Variants in IL1RL1 observed in about 807,000 individuals in gnomAD.
IL1RL1 encodes the protein interleukin-1 receptor-like 1.
Under a neutral mutation model 50.9 loss-of-function variants are expected in IL1RL1, and 32 were observed. The observed-to-expected ratio is 0.63, with a 90% CI of 0.47 to 0.84. IL1RL1 has a LOEUF of 0.84. IL1RL1 is among the 40% of genes least tolerant of loss of function. The pLI, the probability that IL1RL1 is intolerant of heterozygous loss-of-function variation, is 0.00. For missense variants in IL1RL1, 773 were observed against 662.9 expected, an observed-to-expected ratio of 1.17 and a Z score of -1.82; for synonymous variants, 275 against 236.0, an observed-to-expected ratio of 1.17 and a Z score of -1.51.
intron 1 of IL1RL1, among the ~76,000 whole-genome samples, chr2:102,324,141 G>C (rs1054651909): frequency 6.6e-6 from 1 of 151,096 alleles, no homozygotes; most frequent in African/African-American, 2.4e-5. Context: ...ATGAACATTT[G>C]TGTACAAGTC....
At chr2:102,326,053 G>T (rs946938250) in intron 1 of IL1RL1, among the ~76,000 whole-genome samples, 11 of 152,138 alleles carry the variant, frequency 7.2e-5, no homozygotes, top group Non-Finnish European at 1.6e-4. Context: ...ATAATTGTCA[G>T]ATTCACCAAA....
intron 1 of IL1RL1, among the ~76,000 whole-genome samples, chr2:102,317,037 A>G (rs1044653174): frequency 5.3e-5 from 8 of 152,218 alleles, no homozygotes; most frequent in Middle Eastern, 3.2e-3. Flanking sequence ...GCAATATTTT[A>G]AAATCAGAGC....
In IL1RL1 at chr2:102,351,933, A is replaced by T. The variant is rs775742388; in HGVS notation, c.*12A>T. On this transcript the variant is annotated 3_prime_UTR_variant, in exon 11 of 11. Transcript: ENST00000233954. ...CCCAGAAGCAATAGTGCCTGCTGTGATGTGCAAAGGCATCTGAGTTTGAAG... is the reference window on the plus strand; with the variant it reads ...CCCAGAAGCAATAGTGCCTGCTGTGTTGTGCAAAGGCATCTGAGTTTGAAG... 1 of 1,595,610 alleles carries T rather than the reference A, an allele frequency of 6.3e-7. No individual in the cohort carries two copies. The highest frequency in any genetic ancestry group is 1.1e-5 in the South Asian group (1 of 87,828).
Position 102,340,255 on chromosome 2 carries a change from C to T in IL1RL1, c.430C>T (p.Pro144Ser), listed in dbSNP as rs141010284. 1.4e-3 allele frequency: 2,273 copies of T among 1,594,786 alleles called. 35 individuals carry two copies. Among genetic ancestry groups the T allele is most frequent in the South Asian group, 0.013 (1,161 of 86,896 alleles). ...CATTGACCTCTACAACTGGACAGCA[C>T]CTCTTGAGTGGTTTAAGGTAAGAAG... ...PTIDLYNWTA[P>S]LEWFKNCQAL... is the part of the protein sequence containing the mutation. The change falls in exon 4 of 11, where the codon CCT becomes TCT. Residue 144 changes from proline (P) to serine (S), a missense_variant. Physicochemically the swap from Pro to Ser is moderately conservative, Grantham distance 74. Transcript: ENST00000233954.
At position 102,345,889 on chromosome 2, in the gene IL1RL1, C is replaced by T. The variant is rs917623904; in HGVS notation, c.971-2056C>T. On this transcript the variant is annotated intron_variant, in intron 8 of 10. Transcript: ENST00000233954. Reference sequence around the variant, plus strand: ...TGCAGCCATCCATCCAGCCTGCCCACTCACACTGCCCTTGTGTACTCCTGC... The same window carrying T: ...TGCAGCCATCCATCCAGCCTGCCCATTCACACTGCCCTTGTGTACTCCTGC... 2.3e-5 allele frequency: 23 copies of T among 985,336 alleles called. No individual in the cohort carries two copies. The East Asian group carries it at 2.5e-3, about 107-fold the overall frequency. The allele number at this position is 985,336 out of a possible 1,614,324, so 61.0% of individuals were successfully genotyped here.
intron 1 of IL1RL1, among the ~76,000 whole-genome samples, chr2:102,325,778 G>A (rs917291223): frequency 3.3e-5 from 5 of 152,176 alleles, no homozygotes; most frequent in South Asian, 2.1e-4. Context: ...TGAATGAAAC[G>A]AAGTGAGAAG....
At chr2:102,328,305 AC>A (rs1403169230) in intron 1 of IL1RL1, among the ~76,000 whole-genome samples, 9 of 151,856 alleles carry the variant, frequency 5.9e-5, no homozygotes, top group South Asian at 2.1e-4. Context: ...AAATTCAACA[AC>A]CCTTCATGCT....
At chr2:102,324,521 G>C (rs576861153) in intron 1 of IL1RL1, among the ~76,000 whole-genome samples, 3 of 152,326 alleles carry the variant, frequency 2.0e-5, no homozygotes, top group South Asian at 4.1e-4. Context: ...AGTGGGTGCA[G>C]AGCACTGAGC....
intron 2 of IL1RL1, among the ~76,000 whole-genome samples, 160 bp from the exon 3 acceptor site, chr2:102,338,677 C>T (rs1677422762): frequency 6.6e-6 from 1 of 152,174 alleles, no homozygotes; most frequent in Admixed American, 6.6e-5. Flanking sequence ...AATTCATTAA[C>T]ATTTCATAAG....
chr2:102,327,409 T>A (rs953260538), intron 1 of IL1RL1, among the ~76,000 whole-genome samples: 13 of 150,916 alleles, frequency 8.6e-5, no homozygotes, highest in Admixed American at 3.3e-4. Context: ...GCAGGAAAGA[T>A]CTAAAATTGA....
At chr2:102,323,209 A>G (rs1676884905) in intron 1 of IL1RL1, among the ~76,000 whole-genome samples, 1 of 149,342 alleles carries the variant, frequency 6.7e-6, no homozygotes, top group Non-Finnish European at 1.5e-5. Flanking sequence ...GGAGTTATTG[A>G]GCCATACAGT....
chr2:102,350,236 T>A lies in IL1RL1; in HGVS notation c.1285+990T>A, dbSNP rs150701500. Among the ~76,000 whole-genome samples the A allele has an allele frequency of 2.0e-5, 3 of 152,380 alleles. No homozygotes were observed. In the East Asian group the frequency reaches 5.8e-4, roughly 29 times the overall value. Reference sequence around the variant, plus strand: ...CACTCTTTTCATATTACAAATGTACTCAAGAACCTGCAGGGACTCCTGTTG... The same window carrying A: ...CACTCTTTTCATATTACAAATGTACACAAGAACCTGCAGGGACTCCTGTTG... On this transcript the variant is annotated intron_variant, in intron 10 of 10. Transcript: ENST00000233954.
chr2:102,325,518 T>A (rs894164952), intron 1 of IL1RL1, among the ~76,000 whole-genome samples: 1 of 151,708 alleles, frequency 6.6e-6, no homozygotes, highest in African/African-American at 2.4e-5. Flanking sequence ...CTTTGACGAG[T>A]TGAGAGAAGA....
At chr2:102,321,512 A>G (rs891084364) in intron 1 of IL1RL1, among the ~76,000 whole-genome samples, 4 of 152,180 alleles carry the variant, frequency 2.6e-5, no homozygotes, top group African/African-American at 7.2e-5. Flanking sequence ...ATGTGCGGCC[A>G]TGTTAGATGT....
At chr2:102,330,700 A>G (rs185306098) in intron 1 of IL1RL1, among the ~76,000 whole-genome samples, 91 of 152,314 alleles carry the variant, frequency 6.0e-4, no homozygotes, top group Non-Finnish European at 1.2e-3. Flanking sequence ...TATAGATACA[A>G]GTCTTTCATC....
chr2:102,345,353 C>A (rs1677743228), intron 8 of IL1RL1: 1 of 985,276 alleles, frequency 1.0e-6, no homozygotes, highest in Non-Finnish European at 1.2e-6. Flanking sequence ...GCAAAGACAT[C>A]CTGTTTGCTA....
At chr2:102,324,422 G>C (rs1676930425) in intron 1 of IL1RL1, among the ~76,000 whole-genome samples, 1 of 152,206 alleles carries the variant, frequency 6.6e-6, no homozygotes, top group South Asian at 2.1e-4. Flanking sequence ...CTCCCAGCGT[G>C]AGCGACACAG....
intron 1 of IL1RL1, among the ~76,000 whole-genome samples, chr2:102,327,230 T>C (rs913206603): frequency 1.3e-5 from 2 of 152,068 alleles, no homozygotes; most frequent in Non-Finnish European, 2.9e-5. Context: ...ACATGGAAAC[T>C]GAACAACCTG....
At chr2:102,333,557 C>T (rs991637615) in intron 1 of IL1RL1, among the ~76,000 whole-genome samples, 1 of 152,080 alleles carries the variant, frequency 6.6e-6, no homozygotes, top group Non-Finnish European at 1.5e-5. Flanking sequence ...TTGTGAATTC[C>T]ACTTGTTCCT....
Sources: gnomAD v4.1 joint callset for allele counts (sites outside exome capture counted in the v4.1 genomes callset) on GRCh38, gnomAD v4.1.1 for gene constraint, MANE v1.5 for transcripts, NCBI Gene and HGNC (gene_info 2026-07-23, HGNC 2026-07-21) for gene names.